FOXP2: variants seen among roughly 807,000 people sequenced by gnomAD.
FOXP2 encodes the protein forkhead box protein P2.
FOXP2 carries 12 observed loss-of-function variants against 115.8 expected under a neutral mutation model. The observed-to-expected ratio is 0.10, with a 90% CI of 0.07 to 0.17. The LOEUF (loss-of-function observed/expected upper bound fraction) is 0.17. FOXP2 is among the 10% of genes least tolerant of loss of function. FOXP2 has a pLI of 1.00. For synonymous variants in FOXP2, 328 were observed against 297.7 expected, an observed-to-expected ratio of 1.10 and a Z score of -1.05; for missense variants, 629 against 843.5, an observed-to-expected ratio of 0.75 and a Z score of 3.15.
chr7:114,179,873 G>C (rs1422980671), intron 1 of FOXP2, among the ~76,000 whole-genome samples: 2 of 151,918 alleles, frequency 1.3e-5, no homozygotes, highest in African/African-American at 4.8e-5. Flanking sequence ...AGGCTAACAA[G>C]GAGACTATCA....
intron 1 of FOXP2, among the ~76,000 whole-genome samples, chr7:114,140,964 G>A (rs1245546348): frequency 2.0e-5 from 3 of 152,052 alleles, no homozygotes. Context: ...GCTGAAGCTG[G>A]GATTATATAG....
chr7:114,114,893 A>C (rs1791361950), intron 1 of FOXP2, among the ~76,000 whole-genome samples: 1 of 152,184 alleles, frequency 6.6e-6, no homozygotes, highest in South Asian at 2.1e-4. Context: ...GAAATCATGG[A>C]AGAAGAACTG....
At chr7:114,169,592 A>G (rs762282612) in intron 1 of FOXP2, among the ~76,000 whole-genome samples, 3 of 152,110 alleles carry the variant, frequency 2.0e-5, no homozygotes, top group Non-Finnish European at 4.4e-5. Context: ...CTCAGATGAA[A>G]CACTGGACTG....
chr7:114,599,186 T>C (rs1487035905), intron 3 of FOXP2, among the ~76,000 whole-genome samples: 1 of 152,124 alleles, frequency 6.6e-6, no homozygotes, highest in Non-Finnish European at 1.5e-5. Flanking sequence ...ATTTCTTTAT[T>C]CAGTATGATG....
At chr7:114,378,372 C>A (rs916293623) in intron 2 of FOXP2, among the ~76,000 whole-genome samples, 2 of 152,008 alleles carry the variant, frequency 1.3e-5, no homozygotes, top group Non-Finnish European at 2.9e-5. Flanking sequence ...ATTGGACTTA[C>A]TTGCTGAAAT....
intron 1 of FOXP2, among the ~76,000 whole-genome samples, chr7:114,277,805 A>G (rs1297366697): frequency 2.0e-4 from 31 of 152,032 alleles, no homozygotes. Context: ...ACTTGAGGTC[A>G]GGAGTTGGAG....
At chr7:114,539,504 T>C (rs1390473296) in intron 3 of FOXP2, among the ~76,000 whole-genome samples, 2 of 151,946 alleles carry the variant, frequency 1.3e-5, no homozygotes, top group Non-Finnish European at 2.9e-5. Context: ...TTACTATTTA[T>C]ATTTTCTGTG....
chr7:114,630,356 A>G (rs777244536), intron 5 of FOXP2, among the ~76,000 whole-genome samples: 1 of 152,120 alleles, frequency 6.6e-6, no homozygotes, highest in Non-Finnish European at 1.5e-5. Flanking sequence ...GAGAACATGC[A>G]TGCAAATTTG....
intron 2 of FOXP2, among the ~76,000 whole-genome samples, chr7:114,403,046 C>G (rs879230629): frequency 2.0e-5 from 3 of 152,088 alleles, no homozygotes; most frequent in African/African-American, 7.2e-5. Context: ...TATCTCAAGT[C>G]CTTGGGGGAT....
intron 2 of FOXP2, among the ~76,000 whole-genome samples, chr7:114,500,141 A>G (rs968140719): frequency 1.4e-4 from 21 of 149,632 alleles, no homozygotes; most frequent in Middle Eastern, 3.5e-3. Flanking sequence ...GCGTGAACCC[A>G]GGAGGCGGAG....
intron 1 of FOXP2, among the ~76,000 whole-genome samples, chr7:114,140,244 A>G (rs777312254): frequency 5.3e-5 from 8 of 152,136 alleles, no homozygotes; most frequent in Non-Finnish European, 1.0e-4. Flanking sequence ...CCAGAGCCCA[A>G]CTGACAATGA....
chr7:114,244,808 C>T (rs1584572746), intron 1 of FOXP2, among the ~76,000 whole-genome samples: 1 of 151,742 alleles, frequency 6.6e-6, no homozygotes, highest in Admixed American at 6.6e-5. Context: ...GTGGCCCAGG[C>T]GGGAGTGCAG....
At chr7:114,576,945 A>C (rs920340217) in intron 3 of FOXP2, among the ~76,000 whole-genome samples, 4 of 151,950 alleles carry the variant, frequency 2.6e-5, no homozygotes, top group Admixed American at 2.6e-4. Context: ...GCTCATACAC[A>C]AACAAACATA....
chr7:114,358,158 C>T (rs1449265505), intron 2 of FOXP2, among the ~76,000 whole-genome samples: 1 of 152,152 alleles, frequency 6.6e-6, no homozygotes, highest in Non-Finnish European at 1.5e-5. Flanking sequence ...TCTCACAAGA[C>T]ATGATGACTT....
chr7:114,405,701 T>C (rs141543646), intron 2 of FOXP2, among the ~76,000 whole-genome samples: 9 of 152,004 alleles, frequency 5.9e-5, no homozygotes, highest in African/African-American at 2.2e-4. Flanking sequence ...GTGATATACA[T>C]GGTTATTTAA....
chr7:114,635,219 G>A (rs764117341), intron 6 of FOXP2, among the ~76,000 whole-genome samples: 14 of 152,134 alleles, frequency 9.2e-5, no homozygotes, highest in Non-Finnish European at 1.6e-4. Context: ...GTTTGGCTTT[G>A]GCTTCATTCT....
chr7:114,653,937 A>T lies in FOXP2; in HGVS notation c.1194A>T (p.Glu398Asp). ...VQQLEIQLSK[E>D]RERLQAMMTH... ...CTCTTTCTTAACAGCTTTCTAAAGA[A>T]CGCGAACGTCTTCAAGCAATGATGA... Residue 398 changes from glutamate (E) to aspartate (D), a missense_variant, in exon 10 of 17, where the codon GAA becomes GAT. Physicochemically the swap from Glu to Asp is conservative, Grantham distance 45. Transcript: ENST00000350908. The T allele has an allele frequency of 6.2e-7, 1 of 1,613,016 alleles. No individual in the cohort carries two copies. Among genetic ancestry groups the T allele is most frequent in the Admixed American group, 1.7e-5 (1 of 59,936 alleles).
At chr7:114,102,426 A>G (rs1584479939) in intron 1 of FOXP2, among the ~76,000 whole-genome samples, 2 of 151,944 alleles carry the variant, frequency 1.3e-5, no homozygotes, top group African/African-American at 4.8e-5. Flanking sequence ...TCTCTATTGC[A>G]CTTTCTCACC....
chr7:114,172,973 A>G (rs1214190317), intron 1 of FOXP2, among the ~76,000 whole-genome samples: 1 of 152,056 alleles, frequency 6.6e-6, no homozygotes, highest in Non-Finnish European at 1.5e-5. Flanking sequence ...CATATATTTA[A>G]TAACTTTTAA....
Sources: gnomAD v4.1 joint callset for allele counts (sites outside exome capture counted in the v4.1 genomes callset) on GRCh38, gnomAD v4.1.1 for gene constraint, MANE v1.5 for transcripts, NCBI Gene and HGNC (gene_info 2026-07-23, HGNC 2026-07-21) for gene names.